The following KMT2A variants were observed in gnomAD, a reference collection of about 807,000 sequenced individuals.
KMT2A encodes lysine methyltransferase 2A.
Under a neutral mutation model 345.3 loss-of-function variants are expected in KMT2A, and 16 were observed. The observed-to-expected ratio is 0.05, with a 90% CI of 0.03 to 0.07. The LOEUF is 0.07. Among genes scored for constraint, KMT2A ranks in the 10% least tolerant of loss-of-function variants. The probability of loss-of-function intolerance (pLI) is 1.00; values close to 1 mark genes in which losing one functional copy is unlikely to be tolerated. For synonymous variants in KMT2A, 1,599 were observed against 1,778.6 expected, an observed-to-expected ratio of 0.90 and a Z score of 2.54; for missense variants, 3,272 against 4,841.6, an observed-to-expected ratio of 0.68 and a Z score of 9.62.
intron 1 of KMT2A, among the ~76,000 whole-genome samples, chr11:118,461,964 A>AT (rs1949752083): frequency 6.6e-6 from 1 of 151,510 alleles, no homozygotes; most frequent in Admixed American, 6.6e-5. Context: ...TTATTTATTT[A>AT]TTTTTGAGAC....
intron 1 of KMT2A, among the ~76,000 whole-genome samples, chr11:118,440,807 T>G (rs1286823807): frequency 6.6e-6 from 1 of 151,388 alleles, no homozygotes; most frequent in South Asian, 2.1e-4. Context: ...TTTTAATGTT[T>G]ACTGGTCATG....
intron 8 of KMT2A, among the ~76,000 whole-genome samples, chr11:118,483,700 G>T (rs182309277): frequency 6.6e-6 from 1 of 152,220 alleles, no homozygotes; most frequent in East Asian, 1.9e-4. Context: ...TTATTTGTCT[G>T]TAAAAATCAC....
Position 118,474,245 on chromosome 11 carries a change from A to T in KMT2A, c.3086A>T (p.Lys1029Met). ...TDKRVASLLK[K>M]AKAQLCKIEK... The stretch of plus-strand genomic sequence containing the variant: ...AAGAGGGTTGCCAGCCTCCTAAAAA[A>T]GGCCAAAGCTCAGCTCTGCAAGATT... The change falls in exon 3 of 36, where the codon AAG (lysine) becomes ATG (methionine). Residue 1029 changes from lysine to methionine, a missense_variant. Coordinates refer to ENST00000534358, the MANE Select transcript of KMT2A (RefSeq NM_001197104.2). 1 of 1,614,206 alleles carries T rather than the reference A, an allele frequency of 6.2e-7. No homozygotes were observed.
At chr11:118,509,834 A>AC in intron 29 of KMT2A, 114 bp from the exon 30 acceptor site, 1 of 738,424 alleles carries the variant, frequency 1.4e-6, no homozygotes, top group Non-Finnish European at 2.0e-6. Flanking sequence ...GGAATAATAA[A>AC]CCAACTGTGG....
chr11:118,483,159 C>T lies in KMT2A; in HGVS notation c.4086+664C>T, dbSNP rs1253678481. Among the ~76,000 whole-genome samples, 14 of 149,666 alleles carry T rather than the reference C, an allele frequency of 9.4e-5. No individual in the cohort carries two copies. In the South Asian group the frequency reaches 1.1e-3, roughly 11 times the overall value. On this transcript the variant is annotated intron_variant, in intron 8 of 35. Transcript: ENST00000534358. The stretch of plus-strand genomic sequence containing the variant: ...GAGGCAGGGGAATTGCCTGAACCTG[C>T]GAGGCGGAGGCTGCAGTGAGCCGAG...
At chr11:118,481,682 T>G (rs1555039198) in intron 6 of KMT2A, 33 bp from the exon 7 acceptor site, 1 of 1,584,294 alleles carries the variant, frequency 6.3e-7, no homozygotes, top group East Asian at 2.2e-5. Flanking sequence ...ATTCTCACTA[T>G]AGACAGATGA....
In KMT2A at chr11:118,510,355, G is replaced by A. The variant is rs1261851471; in HGVS notation, c.11071+237G>A. 6.6e-6 allele frequency among the ~76,000 whole-genome samples: 1 copy of A among 152,160 alleles called. No individual in the cohort carries two copies. The highest frequency in any genetic ancestry group is 1.5e-5 in the Non-Finnish European group (1 of 68,016). On this transcript the variant is annotated intron_variant, in intron 30 of 35. Transcript: ENST00000534358. This position sits in a 1 kb window ranked among gnomAD's most constrained non-coding sequence, Gnocchi z 4.1. ...TTTTCAACATTGCACACACCTTAGC[G>A]GAGCCCCTGAGAACTCTGCTTCCCC...
Position 118,520,138 on chromosome 11 carries a change from A to C in KMT2A, c.11429+74A>C. 2 of 969,454 alleles carry C rather than the reference A, an allele frequency of 2.1e-6. No individual in the cohort carries two copies. Among genetic ancestry groups the C allele is most frequent in the Non-Finnish European group, 3.2e-6 (2 of 630,504 alleles). The allele number at this position is 969,454 out of a possible 1,614,324, so 60.1% of individuals were successfully genotyped here. A position where few individuals can be genotyped will look rare whatever the true frequency, so the allele number is the denominator to read the frequency against. On this transcript the variant is annotated intron_variant, in intron 33 of 35. Transcript: ENST00000534358. The surrounding 1 kb of genome is among the most constrained non-coding windows in gnomAD (Gnocchi z 4.3). ...CCAGCTGGTCAGGGCACTACGTAGG[A>C]ATTTGTTTGCATCAGAATTTCCTGG...
Position 118,478,496 on chromosome 11 carries a change from C to T in KMT2A, c.3569+295C>T, listed in dbSNP as rs141108621. Among the ~76,000 whole-genome samples, 1,749 of 152,288 alleles carry T rather than the reference C, an allele frequency of 0.011. 16 individuals carry two copies. Among genetic ancestry groups the T allele is most frequent in the Non-Finnish European group, 0.019 (1,268 of 68,022 alleles). On this transcript the variant is annotated intron_variant, in intron 5 of 35. Transcript: ENST00000534358. The stretch of plus-strand genomic sequence containing the variant: ...CCATTAGCCACATGTGGCTATTGAG[C>T]GCTTGACATGTGATTAGTGTGACTG...
chr11:118,491,718 A>C lies in KMT2A; in HGVS notation c.4820-26A>C. ...TCTCTCTCATTCTTCAGAGGACCTC[A>C]TCATGGTAGGTTTTTGTTTTCTTAG... On this transcript the variant is annotated intron_variant, in intron 14 of 35. Coordinates refer to ENST00000534358, the MANE Select transcript of KMT2A (RefSeq NM_001197104.2). This position sits in a 1 kb window ranked among gnomAD's most constrained non-coding sequence, Gnocchi z 4.2. The C allele has an allele frequency of 6.4e-7, 1 of 1,563,688 alleles. No individual in the cohort carries two copies. The highest frequency in any genetic ancestry group is 1.2e-5 in the South Asian group (1 of 84,944).
chr11:118,485,097 G>A (rs189586944), intron 10 of KMT2A, 122 bp downstream of exon 10: 1 of 682,060 alleles, frequency 1.5e-6, no homozygotes, highest in East Asian at 2.8e-5. Context: ...ACCAGCTAAA[G>A]AAATGTTTTG....
chr11:118,489,721 G>A, intron 11 of KMT2A, 71 bp from the exon 12 acceptor site: 1 of 1,233,238 alleles, frequency 8.1e-7, no homozygotes, highest in South Asian at 1.2e-5. Flanking sequence ...ATGTGAAATG[G>A]GGTACTAAGT....
chr11:118,436,641 G>T lies in KMT2A; in HGVS notation c.129G>T (p.Gly43=). 1 of 1,158,380 alleles carries T rather than the reference G, an allele frequency of 8.6e-7. No individual in the cohort carries two copies. The allele number at this position is 1,158,380 out of a possible 1,614,324, so 71.8% of individuals were successfully genotyped here. The change falls in exon 1 of 36, where the codon GGG becomes GGT. Residue 43 remains glycine, a synonymous_variant. Transcript: ENST00000534358. The surrounding 1 kb of genome is among the most constrained non-coding windows in gnomAD (Gnocchi z 6.9). Reference sequence around the variant, plus strand: ...TCCCGGCCCTGCTGCTTCCCCCCGGGCCCCCGGTCGGCGGTGGCGGCCCCG... The same window carrying T: ...TCCCGGCCCTGCTGCTTCCCCCCGGTCCCCCGGTCGGCGGTGGCGGCCCCG... ...QRVPALLLPP[G]PPVGGGGPGA...
rs913973512 is a variant in KMT2A at position 118,473,199 on chromosome 11, G to A, written c.2040G>A (p.Ser680=). The A allele has an allele frequency of 4.3e-6, 7 of 1,613,446 alleles. No homozygotes were observed. The highest frequency in any genetic ancestry group is 5.9e-6 in the Non-Finnish European group (7 of 1,179,758). Residue 680 remains serine, a synonymous_variant, in exon 3 of 36, where the codon TCG becomes TCA. Transcript: ENST00000534358. This position sits in a 1 kb window ranked among gnomAD's most constrained non-coding sequence, Gnocchi z 5.2. ...SGTAASARLF[S]PLHSGTRFDM... ...CCGCTGCTTCAGCCCGATTGTTTTC[G>A]CCACTCCATTCTGGAACAAGGTTTG...
chr11:118,488,547 G>C, intron 10 of KMT2A, 67 bp from the exon 11 acceptor site: 1 of 1,541,266 alleles, frequency 6.5e-7, no homozygotes, highest in Middle Eastern at 1.7e-4. Flanking sequence ...TATAAGAAGG[G>C]TATGGTTGAT....
rs374786136 is a variant in KMT2A, at chr11:118,498,080, C to T, written c.5802+7C>T. 3.1e-6 allele frequency: 5 copies of T among 1,610,636 alleles called. No homozygotes were observed. Among genetic ancestry groups the T allele is most frequent in the Non-Finnish European group, 4.2e-6 (5 of 1,178,704 alleles). ...GATCAGGGGCAAGCAGCTGGTAAGACCTTATGGGTAAATTTTATGAAAGAG... is the reference window on the plus strand; with the variant it reads ...GATCAGGGGCAAGCAGCTGGTAAGATCTTATGGGTAAATTTTATGAAAGAG... On this transcript the variant is annotated splice_region_variant and intron_variant, in intron 21 of 35. Coordinates refer to ENST00000534358, the MANE Select transcript of KMT2A (RefSeq NM_001197104.2). The surrounding 1 kb of genome is among the most constrained non-coding windows in gnomAD (Gnocchi z 4.4).
Position 118,505,782 on chromosome 11 carries a change from T to C in KMT2A, c.9890T>C (p.Met3297Thr), listed in dbSNP as rs1950570650. ...NIIKRSKSSIMYFEPAPLLPQ... is the reference protein window; with the variant it reads ...NIIKRSKSSITYFEPAPLLPQ... ...ATAAAAAGATCTAAATCTAGCATCATGTATTTTGAACCGGCACCCCTGTTA... is the reference window on the plus strand; with the variant it reads ...ATAAAAAGATCTAAATCTAGCATCACGTATTTTGAACCGGCACCCCTGTTA... The change falls in exon 27 of 36, where the codon ATG (methionine) becomes ACG (threonine). Residue 3297 changes from methionine (M) to threonine (T), a missense_variant. This residue lies in a region of KMT2A where 748 missense variants were observed against 922.2 expected (regional missense o/e 0.81). Transcript: ENST00000534358. The surrounding 1 kb of genome is among the most constrained non-coding windows in gnomAD (Gnocchi z 4.6). 13 of 1,614,034 alleles carry C rather than the reference T, an allele frequency of 8.1e-6. No individual in the cohort carries two copies. The East Asian group carries it at 2.0e-4, about 25-fold the overall frequency.
intron 1 of KMT2A, among the ~76,000 whole-genome samples, chr11:118,466,510 A>AT (rs1191198132): frequency 5.9e-5 from 9 of 152,070 alleles, no homozygotes; most frequent in Non-Finnish European, 1.2e-4. Flanking sequence ...TTTACTTAAA[A>AT]TTTTTTTAAA....
At chr11:118,509,887 A>G in intron 29 of KMT2A, 61 bp from the exon 30 acceptor site, 2 of 1,239,220 alleles carry the variant, frequency 1.6e-6, no homozygotes, top group South Asian at 2.8e-5. Context: ...AGTACTCTAC[A>G]TGTAGTCAGT....
Sources: allele counts gnomAD v4.1 joint callset (sites outside exome capture counted in the v4.1 genomes callset), GRCh38; gene constraint gnomAD v4.1.1; regional missense constraint gnomAD v4.1.1; non-coding constraint Gnocchi (gnomAD v3.1); transcripts MANE v1.5; gene names NCBI Gene and HGNC (gene_info 2026-07-23, HGNC 2026-07-21).